CD46: variants seen among roughly 807,000 people sequenced by gnomAD.
The protein encoded by CD46 is membrane cofactor protein.
A neutral mutation model predicts 53.3 loss-of-function variants in CD46; 30 were observed. The observed-to-expected ratio is 0.56, with a 90% CI of 0.42 to 0.76. The LOEUF is 0.76. Ranked by LOEUF, CD46 falls within the 30% of genes least tolerant of loss-of-function variation. The pLI is 0.00. For synonymous variants in CD46, 142 were observed against 152.0 expected, an observed-to-expected ratio of 0.93 and a Z score of 0.48; for missense variants, 409 against 463.0, an observed-to-expected ratio of 0.88 and a Z score of 1.07.
chr1:207,757,867 G>A (rs144889804), intron 3 of CD46, among the ~76,000 whole-genome samples: 3 of 152,344 alleles, frequency 2.0e-5, no homozygotes, highest in African/African-American at 7.2e-5. Context: ...CTGACAATAA[G>A]TCTGTTGTAA....
chr1:207,753,945 A>G (rs41316819), intron 1 of CD46, among the ~76,000 whole-genome samples: 2 of 152,120 alleles, frequency 1.3e-5, no homozygotes, highest in Non-Finnish European at 2.9e-5. Context: ...AACCATTCCT[A>G]TTTTCTTGAT....
At chr1:207,753,686 CAAAAA>C (rs796895934) in intron 1 of CD46, among the ~76,000 whole-genome samples, 3 of 146,966 alleles carry the variant, frequency 2.0e-5, no homozygotes, top group African/African-American at 5.0e-5. Flanking sequence ...AACAAACAAA[CAAAAA>C]AAAAACCCGC....
chr1:207,773,592 G>C (rs922597281), intron 8 of CD46, among the ~76,000 whole-genome samples: 1 of 151,954 alleles, frequency 6.6e-6, no homozygotes, highest in African/African-American at 2.4e-5. Context: ...CTGGTACGTT[G>C]TATCTTTGTT....
At position 207,794,344 on chromosome 1, in the gene CD46, C is replaced by G. The variant is rs1660064049; in HGVS notation, c.*867C>G. 1 of 152,286 alleles carries G rather than the reference C, an allele frequency of 6.6e-6. No individual in the cohort carries two copies. Among genetic ancestry groups the G allele is most frequent in the Non-Finnish European group, 1.5e-5 (1 of 68,114 alleles). 9.4% of individuals were successfully genotyped at this position (152,286 alleles called of 1,614,324 possible). A position where few individuals can be genotyped will look rare whatever the true frequency, so the allele number is the denominator to read the frequency against. Reference sequence around the variant, plus strand: ...GACAGCCATAACAGGAGTGCCACTTCATGGTGCGAAGTGAACACTGTAGTC... The same window carrying G: ...GACAGCCATAACAGGAGTGCCACTTGATGGTGCGAAGTGAACACTGTAGTC... On this transcript the variant is annotated 3_prime_UTR_variant, in exon 13 of 13. Coordinates refer to ENST00000367042, the MANE Select transcript of CD46 (RefSeq NM_172351.3).
At chr1:207,754,649 A>C (rs1655313252) in intron 1 of CD46, among the ~76,000 whole-genome samples, 1 of 152,154 alleles carries the variant, frequency 6.6e-6, no homozygotes, top group Non-Finnish European at 1.5e-5. Context: ...GGTTCTTTAA[A>C]GAGCTATGCT....
intron 9 of CD46, 139 bp from the exon 10 acceptor site, chr1:207,784,932 G>A: frequency 1.4e-6 from 1 of 730,390 alleles, no homozygotes; most frequent in Non-Finnish European, 2.5e-6. Context: ...AACACGTGGG[G>A]ATTATGGGAA....
At chr1:207,760,567 A>G (rs1571591328) in intron 4 of CD46, 1 of 152,302 alleles carries the variant, frequency 6.6e-6, no homozygotes, top group East Asian at 1.9e-4. Context: ...AGAACTTAGC[A>G]TGGCCTTCCA....
intron 3 of CD46, among the ~76,000 whole-genome samples, chr1:207,757,955 G>A (rs1043918977): frequency 6.6e-6 from 1 of 152,190 alleles, no homozygotes; most frequent in Non-Finnish European, 1.5e-5. Context: ...AACTCTTAGA[G>A]TTGAAGTAGG....
chr1:207,785,147 T>C (rs745525612), intron 10 of CD46, 41 bp downstream of exon 10: 1 of 1,446,734 alleles, frequency 6.9e-7, no homozygotes, highest in Non-Finnish European at 9.7e-7. Context: ...GTCAAAAAAT[T>C]ATTGTGAAGA....
chr1:207,767,083 C>T lies in CD46; in HGVS notation c.744C>T (p.Tyr248=), dbSNP rs772672525. The T allele has an allele frequency of 1.9e-6, 3 of 1,613,640 alleles. No individual in the cohort carries two copies. Among genetic ancestry groups the T allele is most frequent in the Non-Finnish European group, 2.5e-6 (3 of 1,179,584 alleles). ...CAGGATTTGGAAAAAAATTTTACTA[C>T]AAAGCAACAGTTATGTTTGAATGCG... is the stretch of plus-strand genomic sequence containing the variant. The part of the protein sequence containing the change: ...QISGFGKKFY[Y]KATVMFECDK... The change falls in exon 6 of 13, where the codon TAC becomes TAT. Residue 248 remains tyrosine, a synonymous_variant. Transcript: ENST00000367042.
chr1:207,759,123 T>C (rs1301943459), intron 3 of CD46, among the ~76,000 whole-genome samples: 3 of 152,232 alleles, frequency 2.0e-5, no homozygotes, highest in African/African-American at 7.2e-5. Context: ...GCACTATCTA[T>C]GTGCCAAATG....
At chr1:207,777,826 A>G (rs535834326) in intron 8 of CD46, among the ~76,000 whole-genome samples, 4 of 152,132 alleles carry the variant, frequency 2.6e-5, no homozygotes, top group Non-Finnish European at 4.4e-5. Flanking sequence ...GCTGGGTTGA[A>G]TGGTAGTTCT....
intron 8 of CD46, among the ~76,000 whole-genome samples, chr1:207,777,605 T>G (rs1658254735): frequency 6.6e-6 from 1 of 152,164 alleles, no homozygotes; most frequent in East Asian, 1.9e-4. Flanking sequence ...ACGTTCCTGC[T>G]GAAGACATGC....
At chr1:207,783,531 C>G (rs926838667) in intron 9 of CD46, 3 of 443,796 alleles carry the variant, frequency 6.8e-6, no homozygotes, top group Middle Eastern at 6.4e-4. Context: ...GGTAATCTGT[C>G]GATAAATTTT....
chr1:207,767,119 T>C lies in CD46; in HGVS notation c.780T>C (p.Phe260=). The C allele has an allele frequency of 6.2e-7, 1 of 1,613,964 alleles. No individual in the cohort carries two copies. Among genetic ancestry groups the C allele is most frequent in the Non-Finnish European group, 8.5e-7 (1 of 1,179,824 alleles). The part of the protein sequence containing the change: ...ATVMFECDKG[F]YLDGSDTIVC... ...TTATGTTTGAATGCGATAAGGGTTT[T>C]TACCTCGATGGCAGCGACACAATTG... Residue 260 remains phenylalanine, a synonymous_variant, in exon 6 of 13, where the codon TTT becomes TTC. Coordinates refer to ENST00000367042, the MANE Select transcript of CD46 (RefSeq NM_172351.3).
intron 11 of CD46, among the ~76,000 whole-genome samples, chr1:207,787,137 T>A (rs1427156672): frequency 6.6e-6 from 1 of 152,126 alleles, no homozygotes; most frequent in Admixed American, 6.5e-5. Context: ...AATGGCGCAA[T>A]CTTGGCTCGC....
At chr1:207,754,530 A>G (rs962494457) in intron 1 of CD46, among the ~76,000 whole-genome samples, 1 of 152,232 alleles carries the variant, frequency 6.6e-6, no homozygotes, top group Admixed American at 6.5e-5. Flanking sequence ...TTGTGGTTCC[A>G]AAAGCCCGAT....
At chr1:207,763,963 T>A (rs1179862985) in intron 5 of CD46, among the ~76,000 whole-genome samples, 1 of 152,026 alleles carries the variant, frequency 6.6e-6, no homozygotes, top group Non-Finnish European at 1.5e-5. Flanking sequence ...CACTTTTTTT[T>A]TTTTTTTTTG....
At chr1:207,775,490 T>C (rs1657995731) in intron 8 of CD46, among the ~76,000 whole-genome samples, 1 of 152,224 alleles carries the variant, frequency 6.6e-6, no homozygotes, top group Non-Finnish European at 1.5e-5. Context: ...TTTTCTGCTC[T>C]GGTTTCTCCC....
Sources: allele counts gnomAD v4.1 joint callset (sites outside exome capture counted in the v4.1 genomes callset), GRCh38; gene constraint gnomAD v4.1.1; transcripts MANE v1.5; gene names NCBI Gene and HGNC (gene_info 2026-07-23, HGNC 2026-07-21).